SHANK2: variants seen among roughly 807,000 people sequenced by gnomAD.
SHANK2 encodes the protein SH3 and multiple ankyrin repeat domains protein 2.
SHANK2 carries 43 observed loss-of-function variants against 133.7 expected under a neutral mutation model. The observed-to-expected ratio is 0.32, with a 90% confidence interval of 0.25 to 0.41. SHANK2 has a LOEUF of 0.41. Among genes scored for constraint, SHANK2 ranks in the 10% least tolerant of loss-of-function variants. SHANK2 has a pLI of 1.00. For synonymous variants in SHANK2, 1,017 were observed against 952.8 expected (o/e 1.07, Z -1.24); for missense variants, 1,994 against 2,235.8 (o/e 0.89, Z 2.18).
chr11:71,162,203 T>C (rs555333243), intron 2 of SHANK2, among the ~76,000 whole-genome samples: 106 of 152,356 alleles, frequency 7.0e-4, no homozygotes, highest in African/African-American at 2.4e-3. Flanking sequence ...GAAGTATATT[T>C]CTTACAGCTC....
In SHANK2 at chr11:70,806,892, G is replaced by A. The variant is rs543545744; in HGVS notation, c.1663+110C>T. 5.7e-5 allele frequency: 35 copies of A among 612,182 alleles called. No homozygotes were observed. The Middle Eastern group carries it at 2.0e-3, about 36-fold the overall frequency. 37.9% of individuals were successfully genotyped at this position (612,182 alleles called of 1,614,324 possible). A position where few individuals can be genotyped will look rare whatever the true frequency, so the allele number is the denominator to read the frequency against. ...CCCATTCCTGCCCTTCCAGGGGCCCGTGTTTTCCATGGAGAAGCACAGCCT... is the reference window on the plus strand; with the variant it reads ...CCCATTCCTGCCCTTCCAGGGGCCCATGTTTTCCATGGAGAAGCACAGCCT... On this transcript the variant is annotated intron_variant, in intron 13 of 25. Transcript: ENST00000601538.
chr11:71,062,425 G>C (rs968556564), intron 9 of SHANK2, among the ~76,000 whole-genome samples: 5 of 152,188 alleles, frequency 3.3e-5, no homozygotes, highest in Non-Finnish European at 5.9e-5. Flanking sequence ...GTCAGCAAAG[G>C]GAGAAGAGGG....
At chr11:70,796,420 C>T (rs1947915319) in intron 14 of SHANK2, among the ~76,000 whole-genome samples, 1 of 152,210 alleles carries the variant, frequency 6.6e-6, no homozygotes, top group African/African-American at 2.4e-5. Flanking sequence ...ACAGTTGAGT[C>T]CTTCCAACAA....
At chr11:71,140,744 G>A (rs1254044614) in intron 3 of SHANK2, among the ~76,000 whole-genome samples, 4 of 152,158 alleles carry the variant, frequency 2.6e-5, no homozygotes, top group Non-Finnish European at 5.9e-5. Context: ...CCGAGGCTCA[G>A]ATCTTCAGAC....
intron 17 of SHANK2, among the ~76,000 whole-genome samples, chr11:70,552,806 C>A (rs782582541): frequency 6.6e-6 from 1 of 152,162 alleles, no homozygotes; most frequent in African/African-American, 2.4e-5. Flanking sequence ...CTGGTGCCCA[C>A]CTGCCCTCTA....
chr11:70,528,698 AGCTCGCCG>A (rs2135962734), intron 17 of SHANK2, among the ~76,000 whole-genome samples: 1 of 151,984 alleles, frequency 6.6e-6, no homozygotes, highest in East Asian at 2.0e-4. Context: ...CAAGCGGGTC[AGCTCGCCG>A]GCTCCCCAGG....
At chr11:70,592,027 C>T (rs1034549395) in intron 17 of SHANK2, among the ~76,000 whole-genome samples, 11 of 149,816 alleles carry the variant, frequency 7.3e-5, no homozygotes, top group Admixed American at 2.7e-4. Flanking sequence ...AGCGAGACTC[C>T]GTCTAAAAAA....
chr11:70,902,906 G>GCC (rs1301729518), intron 10 of SHANK2, among the ~76,000 whole-genome samples: 1 of 152,188 alleles, frequency 6.6e-6, no homozygotes, highest in Non-Finnish European at 1.5e-5. Flanking sequence ...TCAGGAGGGA[G>GCC]CCCACATTTT....
intron 2 of SHANK2, among the ~76,000 whole-genome samples, chr11:71,215,939 T>G (rs554684516): frequency 1.3e-5 from 2 of 151,886 alleles, no homozygotes; most frequent in African/African-American, 4.8e-5. Flanking sequence ...TCCCCCACCC[T>G]CCAGGATGAA....
intron 2 of SHANK2, among the ~76,000 whole-genome samples, chr11:71,223,723 T>C (rs1334499865): frequency 3.3e-5 from 5 of 152,120 alleles, no homozygotes; most frequent in African/African-American, 1.2e-4. Flanking sequence ...ATTAGGAAAG[T>C]ATATCTGACG....
intron 2 of SHANK2, among the ~76,000 whole-genome samples, chr11:71,213,431 C>T (rs1954328269): frequency 6.6e-6 from 1 of 152,230 alleles, no homozygotes; most frequent in Non-Finnish European, 1.5e-5. Context: ...TTTCACTTTA[C>T]TCTTCCCTCT....
chr11:70,502,973 G>C, intron 17 of SHANK2, 42 bp from the exon 18 acceptor site: 1 of 1,612,612 alleles, frequency 6.2e-7, no homozygotes, highest in Non-Finnish European at 8.5e-7. Flanking sequence ...AGAGCCAGCG[G>C]AGAGGAAGAC....
chr11:70,655,724 C>T (rs1555011409), intron 17 of SHANK2, among the ~76,000 whole-genome samples: 1 of 152,184 alleles, frequency 6.6e-6, no homozygotes, highest in African/African-American at 2.4e-5. Flanking sequence ...CAGTCCTAGT[C>T]TTAAGACTAG....
At chr11:70,745,874 G>C (rs1946626804) in intron 14 of SHANK2, among the ~76,000 whole-genome samples, 1 of 152,232 alleles carries the variant, frequency 6.6e-6, no homozygotes, top group Non-Finnish European at 1.5e-5. Flanking sequence ...CCACACCTGA[G>C]ACCTCGAGCG....
At chr11:70,702,430 TCAC>T (rs201745626) in intron 14 of SHANK2, among the ~76,000 whole-genome samples, 5 of 151,418 alleles carry the variant, frequency 3.3e-5, no homozygotes, top group Admixed American at 6.6e-5. Context: ...ATCACCACCA[TCAC>T]CACCAACATC....
chr11:70,852,283 G>T (rs1354066692), intron 11 of SHANK2, among the ~76,000 whole-genome samples: 1 of 152,200 alleles, frequency 6.6e-6, no homozygotes, highest in African/African-American at 2.4e-5. Flanking sequence ...TTTAAAGAAA[G>T]AATATTGGGA....
chr11:71,241,458 G>A (rs146015706), intron 1 of SHANK2, among the ~76,000 whole-genome samples: 84 of 152,192 alleles, frequency 5.5e-4, no homozygotes, highest in African/African-American at 1.8e-3. Context: ...ACGTACCTTC[G>A]CCAGCAACTG....
intron 17 of SHANK2, among the ~76,000 whole-genome samples, chr11:70,655,258 A>T (rs2061392858): frequency 6.6e-6 from 1 of 152,254 alleles, no homozygotes; most frequent in Non-Finnish European, 1.5e-5. Flanking sequence ...TTGAAAATAA[A>T]ACAGTCACCG....
intron 9 of SHANK2, among the ~76,000 whole-genome samples, chr11:71,058,069 A>AT (rs1436462516): frequency 4.0e-5 from 6 of 148,986 alleles, no homozygotes; most frequent in Non-Finnish European, 7.4e-5. Flanking sequence ...TAATTTTTGT[A>AT]TTTTTTTGTA....
Sources: gnomAD v4.1 joint callset for allele counts (sites outside exome capture counted in the v4.1 genomes callset) on GRCh38, gnomAD v4.1.1 for gene constraint, MANE v1.5 for transcripts, NCBI Gene and HGNC (gene_info 2026-07-23, HGNC 2026-07-21) for gene names.